Variants in DRC11 observed in about 807,000 individuals in gnomAD.
DRC11 encodes the protein IQ and AAA domain-containing protein 1.
chr2:236,434,083 A>G, the DRC11 span, among the ~76,000 whole-genome samples: 2 of 152,216 alleles, frequency 1.3e-5, no homozygotes, highest in Non-Finnish European at 2.9e-5. This position sits in a 1 kb window ranked among gnomAD's most constrained non-coding sequence, Gnocchi z 5.5. Context: ...AACCCAAACC[A>G]TTCTTGCATC....
the DRC11 span, among the ~76,000 whole-genome samples, chr2:236,317,319 C>T: frequency 6.6e-6 from 1 of 151,702 alleles, no homozygotes; most frequent in South Asian, 2.1e-4. The surrounding 1 kb of genome is among the most constrained non-coding windows in gnomAD (Gnocchi z 5.4). Flanking sequence ...AAAAGATAGG[C>T]TCTCATTAAC....
At chr2:236,421,313 C>A in the DRC11 span, among the ~76,000 whole-genome samples, 2 of 151,854 alleles carry the variant, frequency 1.3e-5, no homozygotes, top group Non-Finnish European at 2.9e-5. Flanking sequence ...AGACTGCTAG[C>A]AAGACTAATA....
the DRC11 span, chr2:236,333,034 G>A: frequency 6.6e-6 from 1 of 152,178 alleles, no homozygotes; most frequent in African/African-American, 2.4e-5. The surrounding 1 kb of genome is among the most constrained non-coding windows in gnomAD (Gnocchi z 6.0). Flanking sequence ...CCCCAAACTA[G>A]TCTTATCCGT....
chr2:236,334,004 C>T, the DRC11 span, among the ~76,000 whole-genome samples: 30,034 of 152,076 alleles, frequency 0.2, 3,083 homozygotes, highest in African/African-American at 0.26. This position sits in a 1 kb window ranked among gnomAD's most constrained non-coding sequence, Gnocchi z 7.8. Flanking sequence ...CGGAGAGTTT[C>T]GGTCAAGATT....
the DRC11 span, among the ~76,000 whole-genome samples, chr2:236,334,818 C>G: frequency 6.6e-6 from 1 of 152,036 alleles, no homozygotes; most frequent in Admixed American, 6.5e-5. This position sits in a 1 kb window ranked among gnomAD's most constrained non-coding sequence, Gnocchi z 7.8. Context: ...ACCCATCCGA[C>G]CAGACACTGG....
At chr2:236,491,205 T>TATACAC in the DRC11 span, among the ~76,000 whole-genome samples, 1 of 59,330 alleles carries the variant, frequency 1.7e-5, no homozygotes, top group Non-Finnish European at 3.4e-5. Context: ...TATATATATA[T>TATACAC]ATATATACAC....
At chr2:236,392,068 C>T in the DRC11 span, 4 of 1,613,630 alleles carry the variant, frequency 2.5e-6, no homozygotes, top group South Asian at 2.2e-5. This position sits in a 1 kb window ranked among gnomAD's most constrained non-coding sequence, Gnocchi z 5.1. Flanking sequence ...ATCAACTCAT[C>T]AACCTAGGAG....
the DRC11 span, among the ~76,000 whole-genome samples, chr2:236,491,219 G>GTATATA: frequency 3.0e-3 from 59 of 19,546 alleles, 1 homozygote; most frequent in Middle Eastern, 0.05. Flanking sequence ...TATACACACA[G>GTATATA]TATATATATA....
the DRC11 span, among the ~76,000 whole-genome samples, chr2:236,474,032 A>T: frequency 6.6e-6 from 1 of 152,208 alleles, no homozygotes; most frequent in Non-Finnish European, 1.5e-5. Context: ...TTAACCAGTG[A>T]TATAGTGGAA....
chr2:236,429,280 A>C, the DRC11 span, among the ~76,000 whole-genome samples: 1 of 152,212 alleles, frequency 6.6e-6, no homozygotes, highest in Admixed American at 6.5e-5. This position sits in a 1 kb window ranked among gnomAD's most constrained non-coding sequence, Gnocchi z 5.9. Flanking sequence ...GGTCAGCTGC[A>C]GGTGCACATG....
the DRC11 span, chr2:236,331,498 T>G: frequency 1.9e-6 from 3 of 1,613,892 alleles, no homozygotes; most frequent in East Asian, 6.7e-5. The surrounding 1 kb of genome is among the most constrained non-coding windows in gnomAD (Gnocchi z 4.8). Context: ...TTCGACTATA[T>G]GTCCTTGGGT....
At chr2:236,462,538 G>C in the DRC11 span, among the ~76,000 whole-genome samples, 1 of 152,146 alleles carries the variant, frequency 6.6e-6, no homozygotes, top group Admixed American at 6.5e-5. The surrounding 1 kb of genome is among the most constrained non-coding windows in gnomAD (Gnocchi z 6.4). Context: ...TGGTATAGTG[G>C]TATGCACCTG....
At chr2:236,411,092 C>A in the DRC11 span, among the ~76,000 whole-genome samples, 512 of 144,386 alleles carry the variant, frequency 3.5e-3, 3 homozygotes, top group Middle Eastern at 0.014. Flanking sequence ...AAGAAACTAC[C>A]ACCAGAGTGA....
At chr2:236,377,270 C>T in the DRC11 span, 3 of 761,346 alleles carry the variant, frequency 3.9e-6, no homozygotes, top group Non-Finnish European at 6.8e-6. The surrounding 1 kb of genome is among the most constrained non-coding windows in gnomAD (Gnocchi z 4.9). Flanking sequence ...ACGCGGAGAA[C>T]TTAAACCAGA....
chr2:236,476,406 C>T, the DRC11 span, among the ~76,000 whole-genome samples: 1 of 152,036 alleles, frequency 6.6e-6, no homozygotes, highest in South Asian at 2.1e-4. This position sits in a 1 kb window ranked among gnomAD's most constrained non-coding sequence, Gnocchi z 4.7. Flanking sequence ...TTTTTGCATG[C>T]TGGTTTGTGA....
At chr2:236,410,355 G>A in the DRC11 span, among the ~76,000 whole-genome samples, 1 of 152,016 alleles carries the variant, frequency 6.6e-6, no homozygotes. Flanking sequence ...TATGTGTCGA[G>A]GAATTTATCC....
At chr2:236,342,847 A>G in the DRC11 span, among the ~76,000 whole-genome samples, 4 of 152,048 alleles carry the variant, frequency 2.6e-5, no homozygotes, top group Admixed American at 2.0e-4. This position sits in a 1 kb window ranked among gnomAD's most constrained non-coding sequence, Gnocchi z 5.8. Flanking sequence ...GCAGTCCCCT[A>G]GGACTTATCC....
the DRC11 span, among the ~76,000 whole-genome samples, chr2:236,409,855 T>C: frequency 6.6e-6 from 1 of 152,256 alleles, no homozygotes; most frequent in Non-Finnish European, 1.5e-5. Flanking sequence ...TTTCTGCATC[T>C]ATTGAGATAA....
chr2:236,438,655 T>C, the DRC11 span, among the ~76,000 whole-genome samples: 2 of 152,140 alleles, frequency 1.3e-5, no homozygotes, highest in Non-Finnish European at 2.9e-5. Flanking sequence ...AAGAGGTCCT[T>C]CACATCCCTT....
Sources: allele counts gnomAD v4.1 joint callset (sites outside exome capture counted in the v4.1 genomes callset), GRCh38; gene constraint gnomAD v4.1.1; non-coding constraint Gnocchi (gnomAD v3.1); transcripts MANE v1.5; gene names NCBI Gene and HGNC (gene_info 2026-07-23, HGNC 2026-07-21).